ANKRD13A: variants seen among roughly 807,000 people sequenced by gnomAD.
ANKRD13A encodes the protein ankyrin repeat domain 13A, also known as ankyrin repeat domain-containing protein 13A.
A neutral mutation model predicts 81.3 loss-of-function variants in ANKRD13A; 48 were observed. The ratio of observed to expected loss-of-function variants is 0.59; its 90% CI spans 0.47 to 0.75. The LOEUF is 0.75. ANKRD13A is among the 30% of genes least tolerant of loss of function. The pLI is 0.00. For missense variants in ANKRD13A, 612 were observed against 734.0 expected (o/e 0.83, Z 1.92); for synonymous variants, 230 against 270.1 (o/e 0.85, Z 1.45).
intron 10 of ANKRD13A, 54 bp downstream of exon 10, chr12:110,028,696 T>C: frequency 6.2e-7 from 1 of 1,609,408 alleles, no homozygotes; most frequent in South Asian, 1.1e-5. Flanking sequence ...GAAATTGTGC[T>C]GTTTTATGGT....
rs139554422 is a variant in ANKRD13A at position 110,037,480 on chromosome 12, G to A, written c.1699G>A (p.Glu567Lys). 6.8e-6 allele frequency: 11 copies of A among 1,614,208 alleles called. No homozygotes were observed. The highest frequency in any genetic ancestry group is 9.3e-6 in the Non-Finnish European group (11 of 1,180,036). ...AMELSAKELE[E>K]WELRLQEEEA... is the part of the protein sequence containing the mutation. ...GGAGCTCTCTGCCAAAGAGCTGGAG[G>A]AATGGGAGCTCCGGCTCCAGGAGGA... Residue 567 changes from glutamate (E) to lysine (K), a missense_variant, in exon 15 of 15, where the codon GAA becomes AAA. Glu to Lys is a moderately conservative substitution (Grantham distance 56, BLOSUM62 1). Transcript: ENST00000261739.
intron 6 of ANKRD13A, 81 bp downstream of exon 6, chr12:110,019,409 A>G: frequency 2.2e-6 from 3 of 1,346,950 alleles, no homozygotes; most frequent in South Asian, 1.6e-5. Context: ...ATTGTAAATT[A>G]TGGATGGATT....
At position 110,004,082 on chromosome 12, in the gene ANKRD13A, T is replaced by C. The variant is rs553679304; in HGVS notation, c.96+4298T>C. 4.6e-5 allele frequency among the ~76,000 whole-genome samples: 7 copies of C among 151,780 alleles called. 1 individual carries two copies. The highest frequency in any genetic ancestry group is 1.7e-4 in the African/African-American group (7 of 41,338). On this transcript the variant is annotated intron_variant, in intron 1 of 14. Coordinates refer to ENST00000261739, the MANE Select transcript of ANKRD13A (RefSeq NM_033121.2). ...CTGAGGTGGGAGAATCGCTTGAACC[T>C]GGGAGGCGGAGGTTGCAGTGAGCCA...
chr12:110,034,441 C>G (rs1373002753), intron 13 of ANKRD13A, among the ~76,000 whole-genome samples: 1 of 151,782 alleles, frequency 6.6e-6, no homozygotes, highest in African/African-American at 2.4e-5. Flanking sequence ...AAGCAGTAGG[C>G]TTTGTGTGTG....
rs936851842 is a variant in ANKRD13A at position 110,038,038 on chromosome 12, C to G, written c.*484C>G. 2 of 152,730 alleles carry G rather than the reference C, an allele frequency of 1.3e-5. No homozygotes were observed. Among genetic ancestry groups the G allele is most frequent in the Non-Finnish European group, 2.9e-5 (2 of 68,420 alleles). 9.5% of individuals were successfully genotyped at this position (152,730 alleles called of 1,614,324 possible). On this transcript the variant is annotated 3_prime_UTR_variant, in exon 15 of 15. Transcript: ENST00000261739. Reference sequence around the variant, plus strand: ...AGAAATGGGTAATCTGTGCTGATCTCCTTATTTTTACCTTTTTACAGGGTT... The same window carrying G: ...AGAAATGGGTAATCTGTGCTGATCTGCTTATTTTTACCTTTTTACAGGGTT...
chr12:110,024,034 A>C lies in ANKRD13A; in HGVS notation c.735-12A>C. The C allele has an allele frequency of 6.2e-7, 1 of 1,612,898 alleles. No individual in the cohort carries two copies. Among genetic ancestry groups the C allele is most frequent in the Non-Finnish European group, 8.5e-7 (1 of 1,179,458 alleles). On this transcript the variant is annotated splice_polypyrimidine_tract_variant and intron_variant, in intron 6 of 14. Transcript: ENST00000261739. Reference sequence around the variant, plus strand: ...GTACATGTAGAAATTTGTGGTGTTCACTTTTTATCAGAACTAAATCCGGAT... The same window carrying C: ...GTACATGTAGAAATTTGTGGTGTTCCCTTTTTATCAGAACTAAATCCGGAT...
At chr12:110,006,354 G>A (rs539657334) in intron 1 of ANKRD13A, among the ~76,000 whole-genome samples, 1 of 152,190 alleles carries the variant, frequency 6.6e-6, no homozygotes, top group African/African-American at 2.4e-5. Context: ...CATCCTAGTG[G>A]GTGTGAAGTG....
intron 1 of ANKRD13A, among the ~76,000 whole-genome samples, chr12:110,007,155 T>C (rs1398428740): frequency 6.6e-6 from 1 of 152,212 alleles, no homozygotes; most frequent in Non-Finnish European, 1.5e-5. Context: ...TCCTCAGACC[T>C]CTCTCTTCAA....
chr12:110,036,377 G>GT lies in ANKRD13A; in HGVS notation c.1577+49_1577+50insT. 6.3e-7 allele frequency: 1 copy of GT among 1,581,552 alleles called. No individual in the cohort carries two copies. The highest frequency in any genetic ancestry group is 8.7e-7 in the Non-Finnish European group (1 of 1,150,800). On this transcript the variant is annotated intron_variant, in intron 14 of 14. Transcript: ENST00000261739. The surrounding 1 kb of genome is among the most constrained non-coding windows in gnomAD (Gnocchi z 4.6). The stretch of plus-strand genomic sequence containing the variant: ...AATAAACCAGGGTGAACACAGGCCT[G>GT]GACACAGGCGAGCAGACGCGTGGCA...
At chr12:110,013,651 G>T (rs948317658) in intron 3 of ANKRD13A, among the ~76,000 whole-genome samples, 1 of 152,060 alleles carries the variant, frequency 6.6e-6, no homozygotes, top group African/African-American at 2.4e-5. Flanking sequence ...CATACCTGTA[G>T]TCTGAGCTAC....
chr12:110,027,544 A>G (rs1300465603), intron 8 of ANKRD13A, 161 bp from the exon 9 acceptor site: 2 of 670,296 alleles, frequency 3.0e-6, no homozygotes, highest in Non-Finnish European at 5.3e-6. Flanking sequence ...CACCCTATAA[A>G]GGATAAATTA....
At chr12:110,007,350 T>C (rs1032414395) in intron 1 of ANKRD13A, among the ~76,000 whole-genome samples, 16 of 152,274 alleles carry the variant, frequency 1.1e-4, no homozygotes, top group East Asian at 7.7e-4. Flanking sequence ...TCAATTTATT[T>C]AGGTCTTCTT....
At chr12:110,019,454 G>A (rs1890966349) in intron 6 of ANKRD13A, 126 bp downstream of exon 6, 1 of 903,408 alleles carries the variant, frequency 1.1e-6, no homozygotes, top group Non-Finnish European at 1.6e-6. Context: ...AAACACTAGT[G>A]GGTTTTAAGA....
At position 110,037,533 on chromosome 12, in the gene ANKRD13A, G is replaced by A. The variant is rs748093013; in HGVS notation, c.1752G>A (p.Gln584=). ...AGGCTGAGCTCCAGCAAGTCTTACA[G>A]CTGTCACTCACTGACAAATAGACCT... The part of the protein sequence containing the change: ...EEEAELQQVL[Q]LSLTDK Residue 584 remains glutamine, a synonymous_variant, in exon 15 of 15, where the codon CAG becomes CAA. Coordinates refer to ENST00000261739, the MANE Select transcript of ANKRD13A (RefSeq NM_033121.2). The A allele has an allele frequency of 6.2e-7, 1 of 1,613,656 alleles. No homozygotes were observed. The highest frequency in any genetic ancestry group is 8.5e-7 in the Non-Finnish European group (1 of 1,180,022).
intron 11 of ANKRD13A, 121 bp downstream of exon 11, chr12:110,029,756 A>C: frequency 1.8e-6 from 2 of 1,126,334 alleles, no homozygotes; most frequent in South Asian, 2.9e-5. Context: ...GCTTATAGAC[A>C]TAACAGAGGA....
At position 110,018,435 on chromosome 12, in the gene ANKRD13A, T is replaced by A; in HGVS notation, c.491T>A (p.Phe164Tyr). 1 of 1,614,176 alleles carries A rather than the reference T, an allele frequency of 6.2e-7. No individual in the cohort carries two copies. The highest frequency in any genetic ancestry group is 8.5e-7 in the Non-Finnish European group (1 of 1,180,026). Residue 164 changes from phenylalanine to tyrosine, a missense_variant, in exon 5 of 15, where the codon TTT (phenylalanine) becomes TAT (tyrosine). By Grantham distance (22) the Phe-to-Tyr change is conservative (BLOSUM62 3). Coordinates refer to ENST00000261739, the MANE Select transcript of ANKRD13A (RefSeq NM_033121.2). This position sits in a 1 kb window ranked among gnomAD's most constrained non-coding sequence, Gnocchi z 4.4. ...CGCGTCGATATCACATTGCTGGGAT[T>A]TGAAAACATGAGCTGGATAAGAGGG... The part of the protein sequence containing the change: ...KLRVDITLLG[F>Y]ENMSWIRGRR...
chr12:110,012,961 C>T (rs1890603223), intron 2 of ANKRD13A, among the ~76,000 whole-genome samples, 164 bp from the exon 3 acceptor site: 1 of 152,118 alleles, frequency 6.6e-6, no homozygotes, highest in South Asian at 2.1e-4. Flanking sequence ...GTTTTTTACT[C>T]AGTGAAGAGC....
intron 3 of ANKRD13A, among the ~76,000 whole-genome samples, chr12:110,014,060 T>A (rs1026199630): frequency 5.3e-5 from 8 of 152,166 alleles, no homozygotes; most frequent in African/African-American, 1.7e-4. Flanking sequence ...TCCATTGCCC[T>A]GATTCATTTA....
At position 109,999,814 on chromosome 12, in the gene ANKRD13A, G is replaced by A; in HGVS notation, c.96+30G>A. On this transcript the variant is annotated intron_variant, in intron 1 of 14. Transcript: ENST00000261739. The surrounding 1 kb of genome is among the most constrained non-coding windows in gnomAD (Gnocchi z 4.3). ...GGGGCGGGGCGGGGGTCCGTCTCCC[G>A]GTGGGGACTTCGGGGAATCGGGGGT... 3 of 1,505,220 alleles carry A rather than the reference G, an allele frequency of 2.0e-6. No individual in the cohort carries two copies. Among genetic ancestry groups the A allele is most frequent in the Non-Finnish European group, 2.7e-6 (3 of 1,123,154 alleles). The allele number at this position is 1,505,220 out of a possible 1,614,324, so 93.2% of individuals were successfully genotyped here.
Sources: allele counts gnomAD v4.1 joint callset (sites outside exome capture counted in the v4.1 genomes callset), GRCh38; gene constraint gnomAD v4.1.1; non-coding constraint Gnocchi (gnomAD v3.1); transcripts MANE v1.5; gene names NCBI Gene and HGNC (gene_info 2026-07-23, HGNC 2026-07-21).